Variants in PACS1 observed in about 807,000 individuals in gnomAD.
PACS1 encodes PACS-1.
In PACS1, 24 loss-of-function variants were observed where a neutral mutation model predicts 115.0. The ratio of observed to expected loss-of-function variants is 0.21; its 90% CI spans 0.15 to 0.29. The LOEUF (loss-of-function observed/expected upper bound fraction) is 0.29. Among genes scored for constraint, PACS1 ranks in the 10% least tolerant of loss-of-function variants. The probability of loss-of-function intolerance (pLI) is 1.00; values close to 1 mark genes in which losing one functional copy is unlikely to be tolerated. For synonymous variants in PACS1, 453 were observed against 504.5 expected, an observed-to-expected ratio of 0.90 and a Z score of 1.37; for missense variants, 838 against 1,251.2, an observed-to-expected ratio of 0.67 and a Z score of 4.98.
chr11:66,201,807 G>A (rs910490447), intron 2 of PACS1, among the ~76,000 whole-genome samples: 17 of 151,854 alleles, frequency 1.1e-4, no homozygotes, highest in Non-Finnish European at 1.6e-4. Context: ...TTACAGGCGC[G>A]CACCACCATC....
intron 1 of PACS1, among the ~76,000 whole-genome samples, chr11:66,110,110 AT>A (rs1858152947): frequency 6.6e-6 from 1 of 152,118 alleles, no homozygotes; most frequent in African/African-American, 2.4e-5. Flanking sequence ...GTGCTCAGAT[AT>A]GTTTATGAGA....
At chr11:66,087,681 G>A (rs530911430) in intron 1 of PACS1, among the ~76,000 whole-genome samples, 5 of 152,286 alleles carry the variant, frequency 3.3e-5, no homozygotes, top group African/African-American at 9.6e-5. Context: ...TGTACAGTCC[G>A]CTGTTGATGG....
At chr11:66,190,692 T>C (rs765822381) in intron 1 of PACS1, among the ~76,000 whole-genome samples, 1 of 152,172 alleles carries the variant, frequency 6.6e-6, no homozygotes, top group Non-Finnish European at 1.5e-5. Context: ...TGAATAGCCA[T>C]TTGTGAACTG....
chr11:66,228,165 G>A (rs1855504692), intron 11 of PACS1, among the ~76,000 whole-genome samples: 1 of 149,662 alleles, frequency 6.7e-6, no homozygotes, highest in Non-Finnish European at 1.5e-5. Flanking sequence ...CCGGCCCAGG[G>A]AGGTACAGGG....
At chr11:66,186,375 C>T (rs980951869) in intron 1 of PACS1, among the ~76,000 whole-genome samples, 1 of 152,016 alleles carries the variant, frequency 6.6e-6, no homozygotes, top group African/African-American at 2.4e-5. Flanking sequence ...CACAGGCAGA[C>T]CAAGCATGCA....
chr11:66,153,989 A>G (rs1361557171), intron 1 of PACS1, among the ~76,000 whole-genome samples: 2 of 152,208 alleles, frequency 1.3e-5, no homozygotes, highest in South Asian at 2.1e-4. Flanking sequence ...AAGAATACAC[A>G]TAAGAAAGCT....
chr11:66,211,955 G>A (rs918991920), intron 4 of PACS1, among the ~76,000 whole-genome samples: 25 of 152,024 alleles, frequency 1.6e-4, no homozygotes. Context: ...CGCACAGGCT[G>A]GTTACTTTTT....
intron 1 of PACS1, chr11:66,084,212 A>T: frequency 6.6e-6 from 1 of 152,436 alleles, no homozygotes; most frequent in Non-Finnish European, 1.5e-5. Flanking sequence ...CGAGCCGGCC[A>T]CATGGAACAC....
rs946802747 is a variant in PACS1 at position 66,235,022 on chromosome 11, G to A, written c.2105-279G>A. Among the ~76,000 whole-genome samples, 17 of 152,190 alleles carry A rather than the reference G, an allele frequency of 1.1e-4. No individual in the cohort carries two copies. The highest frequency in any genetic ancestry group is 3.6e-4 in the African/African-American group (15 of 41,436). On this transcript the variant is annotated intron_variant, in intron 17 of 23. Coordinates refer to ENST00000320580, the MANE Select transcript of PACS1 (RefSeq NM_018026.4). This position sits in a 1 kb window ranked among gnomAD's most constrained non-coding sequence, Gnocchi z 5.6. Reference sequence around the variant, plus strand: ...TGGGGTGAGGCTCCTCCAGGCCACCGGATGGGTATGTGCAAGGACAGGCAG... The same window carrying A: ...TGGGGTGAGGCTCCTCCAGGCCACCAGATGGGTATGTGCAAGGACAGGCAG...
At position 66,070,656 on chromosome 11, in the gene PACS1, C is replaced by T. The variant is rs1483604451; in HGVS notation, c.170C>T (p.Ser57Phe). The change falls in exon 1 of 24, where the codon TCC (serine) becomes TTC (phenylalanine). Residue 57 changes from serine to phenylalanine, a missense_variant. Physicochemically the swap from Ser to Phe is radical, Grantham distance 155. Around this residue, in one of 6 missense-constraint regions of PACS1, gnomAD observed 129 missense variants for 109.4 expected, o/e 1.18. Transcript: ENST00000320580. This position sits in a 1 kb window ranked among gnomAD's most constrained non-coding sequence, Gnocchi z 5.9. Reference sequence around the variant, plus strand: ...AAGCTGGCCCAGGCCACCTCGTCGTCCTCGTCCACCTCGGCGGCGGCTGCC... The same window carrying T: ...AAGCTGGCCCAGGCCACCTCGTCGTTCTCGTCCACCTCGGCGGCGGCTGCC... ...PPKLAQATSS[S>F]SSTSAAAASS... The T allele has an allele frequency of 3.2e-6, 5 of 1,566,352 alleles. No homozygotes were observed. The highest frequency in any genetic ancestry group is 3.4e-6 in the Non-Finnish European group (4 of 1,162,628).
intron 10 of PACS1, among the ~76,000 whole-genome samples, chr11:66,226,935 T>TGC (rs1245459212): frequency 6.6e-6 from 1 of 152,204 alleles, no homozygotes; most frequent in African/African-American, 2.4e-5. Flanking sequence ...TTATGAGAAA[T>TGC]GCTAATAAGA....
chr11:66,210,223 A>T (rs1855039370), intron 2 of PACS1, 139 bp from the exon 3 acceptor site: 3 of 629,404 alleles, frequency 4.8e-6, no homozygotes, highest in Non-Finnish European at 8.6e-6. Context: ...TTGTAGAAAC[A>T]GGAGTCTCAC....
At chr11:66,087,964 C>T (rs1857601021) in intron 1 of PACS1, among the ~76,000 whole-genome samples, 6 of 152,004 alleles carry the variant, frequency 3.9e-5, no homozygotes, top group Admixed American at 3.9e-4. Flanking sequence ...TCTCCTATGG[C>T]TTTAATTTGC....
chr11:66,103,037 G>A (rs528981505), intron 1 of PACS1, among the ~76,000 whole-genome samples: 70 of 152,196 alleles, frequency 4.6e-4, no homozygotes, highest in African/African-American at 1.7e-3. Flanking sequence ...TACCATGTTG[G>A]CCAGGCTGCT....
chr11:66,133,758 A>AC (rs1565119182), intron 1 of PACS1, among the ~76,000 whole-genome samples: 2 of 151,780 alleles, frequency 1.3e-5, no homozygotes, highest in African/African-American at 4.8e-5. Context: ...TCCTATCTCA[A>AC]CCCCCCAAAG....
intron 1 of PACS1, among the ~76,000 whole-genome samples, chr11:66,159,527 G>GT: frequency 6.6e-6 from 1 of 152,284 alleles, no homozygotes; most frequent in Admixed American, 6.5e-5. Context: ...GGGTGTGCCA[G>GT]TTACATTCCC....
chr11:66,238,264 C>G, intron 19 of PACS1: 2 of 985,128 alleles, frequency 2.0e-6, no homozygotes, highest in Non-Finnish European at 2.4e-6. Flanking sequence ...TTTAGACTCT[C>G]CCACCTGGCA....
In PACS1 at chr11:66,070,741, G is replaced by T; in HGVS notation, c.255G>T (p.Ala85=). 6.4e-7 allele frequency: 1 copy of T among 1,561,160 alleles called. No individual in the cohort carries two copies. The stretch of plus-strand genomic sequence containing the variant: ...CCGTGGCGGTGGCCTCGGGCTCCGC[G>T]CCTCCCGGTGGCCCGGGGCCAGGCC... ...SMAVAVASGS[A]PPGGPGPGRT... is the part of the protein sequence containing the mutation. The change falls in exon 1 of 24, where the codon GCG becomes GCT. Residue 85 remains alanine (A), a synonymous_variant. Coordinates refer to ENST00000320580, the MANE Select transcript of PACS1 (RefSeq NM_018026.4). The surrounding 1 kb of genome is among the most constrained non-coding windows in gnomAD (Gnocchi z 5.9).
At chr11:66,185,307 C>G (rs1404305591) in intron 1 of PACS1, among the ~76,000 whole-genome samples, 1 of 152,162 alleles carries the variant, frequency 6.6e-6, no homozygotes, top group Non-Finnish European at 1.5e-5. Flanking sequence ...GATTATTTCT[C>G]AGCTGAGTAA....
Sources: gnomAD v4.1 joint callset for allele counts (sites outside exome capture counted in the v4.1 genomes callset) on GRCh38, gnomAD v4.1.1 for gene constraint, gnomAD v4.1.1 regional missense constraint, Gnocchi (gnomAD v3.1) non-coding constraint, MANE v1.5 for transcripts, NCBI Gene and HGNC (gene_info 2026-07-23, HGNC 2026-07-21) for gene names.